Variants in SLC17A1 observed in about 807,000 individuals in gnomAD.
SLC17A1 encodes solute carrier family 17 member 1.
In SLC17A1, 51 loss-of-function variants were observed where a neutral mutation model predicts 53.5. That is an observed-to-expected ratio of 0.95 (90% CI 0.76 to 1.20). SLC17A1 has a LOEUF of 1.20. SLC17A1 is among the 50% of genes most tolerant of loss of function. The pLI is 0.00. For missense variants in SLC17A1, 538 were observed against 568.2 expected (o/e 0.95, Z 0.54); for synonymous variants, 179 against 198.8 (o/e 0.90, Z 0.84).
the SLC17A1 span, chr6:25,768,939 G>A: frequency 1.3e-6 from 2 of 1,555,830 alleles, no homozygotes; most frequent in East Asian, 4.5e-5. Flanking sequence ...GGGAGAGTGG[G>A]AGAAAAGCAT....
chr6:25,819,177 A>ACC (rs1764460148), intron 5 of SLC17A1, 23 bp from the exon 6 acceptor site: 1 of 1,504,232 alleles, frequency 6.6e-7, no homozygotes, highest in Non-Finnish European at 9.1e-7. Flanking sequence ...TACAAAGAAC[A>ACC]CCCCTAATTA....
the SLC17A1 span, among the ~76,000 whole-genome samples, chr6:25,723,869 A>G: frequency 6.6e-6 from 1 of 152,208 alleles, no homozygotes; most frequent in Non-Finnish European, 1.5e-5. Context: ...ATTTAGACAA[A>G]GTCAACTATT....
downstream of SLC17A1, chr6:25,778,017 G>A: frequency 6.3e-7 from 1 of 1,576,564 alleles, no homozygotes; most frequent in Non-Finnish European, 8.7e-7. Context: ...CATCAGTCAG[G>A]TGAGGTCAAA....
downstream of SLC17A1, chr6:25,781,223 GAGAAAGAAAGAAACAA>G (rs1763261807): frequency 1.5e-5 from 1 of 67,810 alleles, no homozygotes; most frequent in Non-Finnish European, 3.3e-5. Context: ...GAGAGAGAGA[GAGAAAGAAAGAAACAA>G]AGAAAGAAAG....
At chr6:25,764,334 C>T in the SLC17A1 span, among the ~76,000 whole-genome samples, 1 of 152,142 alleles carries the variant, frequency 6.6e-6, no homozygotes, top group African/African-American at 2.4e-5. Context: ...ATCCTTTCTC[C>T]ATATCAAATG....
the SLC17A1 span, chr6:25,726,370 G>C: frequency 8.7e-6 from 14 of 1,613,956 alleles, no homozygotes; most frequent in East Asian, 3.1e-4. Flanking sequence ...TAACACTGCC[G>C]CCAAATACAC....
intron 10 of SLC17A1, among the ~76,000 whole-genome samples, chr6:25,801,677 T>A (rs570218430): frequency 1.5e-4 from 23 of 152,340 alleles, no homozygotes; most frequent in African/African-American, 5.3e-4. Flanking sequence ...TCCTCCCTTT[T>A]ATGAGAGGCA....
chr6:25,798,621 C>A, intron 12 of SLC17A1, 162 bp downstream of exon 12: 2 of 524,186 alleles, frequency 3.8e-6, no homozygotes, highest in Non-Finnish European at 6.1e-6. Context: ...CCCACAGAGT[C>A]CCACAGCCAT....
chr6:25,803,996 T>A (rs961231007), intron 10 of SLC17A1, among the ~76,000 whole-genome samples: 4 of 152,228 alleles, frequency 2.6e-5, no homozygotes, highest in Non-Finnish European at 5.9e-5. Flanking sequence ...CTCTAGAATC[T>A]GTGCTTCTAA....
At chr6:25,779,407 G>C, downstream of SLC17A1, 1 of 507,980 alleles carries the variant, frequency 2.0e-6, no homozygotes, top group South Asian at 3.2e-5. Flanking sequence ...AGATTTCTGT[G>C]TTCTCCACTC....
At chr6:25,734,912 A>G in the SLC17A1 span, among the ~76,000 whole-genome samples, 1 of 152,242 alleles carries the variant, frequency 6.6e-6, no homozygotes, top group Non-Finnish European at 1.5e-5. Context: ...GGAAAATAAA[A>G]TCAGATTTAA....
rs985875934 is a variant in SLC17A1 at position 25,783,136 on chromosome 6, C to CCCTCAG, written c.*79_*84dup. The CCCTCAG allele has an allele frequency of 6.6e-6, 1 of 152,212 alleles. No homozygotes were observed. The highest frequency in any genetic ancestry group is 2.4e-5 in the African/African-American group (1 of 41,414). 9.4% of individuals were successfully genotyped at this position (152,212 alleles called of 1,614,324 possible). The stretch of plus-strand genomic sequence containing the variant: ...CCTTCTTCCTGGTGCTGGTGACTGC[C>CCCTCAG]CCTCAGCCTCAGCCTCATGTGCTGG... On this transcript the variant is annotated 3_prime_UTR_variant, in exon 13 of 13. Transcript: ENST00000244527.
chr6:25,818,735 A>C (rs1183277735), intron 6 of SLC17A1, among the ~76,000 whole-genome samples: 1 of 152,194 alleles, frequency 6.6e-6, no homozygotes, highest in Non-Finnish European at 1.5e-5. Context: ...CATGCTTTGA[A>C]TGTTAAGTAT....
downstream of SLC17A1, chr6:25,778,989 C>A (rs926690628): frequency 1.3e-6 from 2 of 1,590,954 alleles, no homozygotes; most frequent in Non-Finnish European, 1.7e-6. Context: ...AGAGCCAAAG[C>A]CTTTCTGAAC....
chr6:25,793,534 C>A (rs1763545588), intron 12 of SLC17A1, among the ~76,000 whole-genome samples: 1 of 152,076 alleles, frequency 6.6e-6, no homozygotes, highest in South Asian at 2.1e-4. Flanking sequence ...TATATCGGTG[C>A]CTGGAATTAT....
the SLC17A1 span, among the ~76,000 whole-genome samples, chr6:25,769,779 C>G: frequency 1.3e-5 from 2 of 151,836 alleles, no homozygotes; most frequent in Non-Finnish European, 2.9e-5. Context: ...CTTCCTTCCA[C>G]GTATTTTTTT....
the SLC17A1 span, chr6:25,726,262 C>T: frequency 1.2e-6 from 2 of 1,614,034 alleles, no homozygotes; most frequent in Non-Finnish European, 1.7e-6. Flanking sequence ...CTCATCATTG[C>T]GGATCGCTAG....
At chr6:25,762,104 A>G in the SLC17A1 span, 9 of 1,511,442 alleles carry the variant, frequency 6.0e-6, no homozygotes, top group Non-Finnish European at 8.2e-6. Flanking sequence ...GATCTGTGGC[A>G]CTGTAACTTG....
chr6:25,742,223 A>G, the SLC17A1 span, among the ~76,000 whole-genome samples: 1 of 152,190 alleles, frequency 6.6e-6, no homozygotes, highest in African/African-American at 2.4e-5. Flanking sequence ...ATGGTGGCCA[A>G]TCAGAGTTCA....
Sources: allele counts gnomAD v4.1 joint callset (sites outside exome capture counted in the v4.1 genomes callset), GRCh38; gene constraint gnomAD v4.1.1; transcripts MANE v1.5; gene names NCBI Gene and HGNC (gene_info 2026-07-23, HGNC 2026-07-21).